The following A1CF variants were observed in gnomAD, a reference collection of about 807,000 sequenced individuals.
A1CF encodes APOBEC1 complementation factor.
A1CF carries 48 observed loss-of-function variants against 68.9 expected under a neutral mutation model. That is an observed-to-expected ratio of 0.70 (90% CI 0.55 to 0.89). A1CF has a LOEUF of 0.89. A1CF is among the 40% of genes least tolerant of loss of function. The pLI is 0.00. For missense variants in A1CF, 653 were observed against 718.9 expected (o/e 0.91, Z 1.05); for synonymous variants, 272 against 260.4 (o/e 1.04, Z -0.43).
Position 50,816,256 on chromosome 10 carries a change from T to C in A1CF, c.891A>G (p.Glu297=). Reference sequence around the variant, plus strand: ...TGTCCACTGGTTTTGCTAGGGTGACTTCAATGGGGGAACCATCCAGCACCT... The same window carrying C: ...TGTCCACTGGTTTTGCTAGGGTGACCTCAATGGGGGAACCATCCAGCACCT... ...NGKVLDGSPI[E]VTLAKPVDKD... is the part of the protein sequence containing the mutation. The change falls in exon 9 of 13, where the codon GAA becomes GAG. Residue 297 remains glutamate, a synonymous_variant. Transcript: ENST00000373997. 6.2e-7 allele frequency: 1 copy of C among 1,613,426 alleles called. No homozygotes were observed. Among genetic ancestry groups the C allele is most frequent in the Non-Finnish European group, 8.5e-7 (1 of 1,179,650 alleles).
intron 12 of A1CF, among the ~76,000 whole-genome samples, chr10:50,807,664 G>C (rs1837897724): frequency 6.6e-6 from 1 of 152,126 alleles, no homozygotes; most frequent in Non-Finnish European, 1.5e-5. Flanking sequence ...GAAGAAGAGA[G>C]CATATTAGCT....
At chr10:50,871,057 A>G (rs915488977) in intron 1 of A1CF, among the ~76,000 whole-genome samples, 6 of 151,764 alleles carry the variant, frequency 4.0e-5, no homozygotes, top group Non-Finnish European at 7.4e-5. Context: ...AAAAATCTTC[A>G]TAAGTGAACA....
At chr10:50,808,980 G>A (rs1188970090) in intron 12 of A1CF, among the ~76,000 whole-genome samples, 1 of 151,256 alleles carries the variant, frequency 6.6e-6, no homozygotes, top group African/African-American at 2.4e-5. Flanking sequence ...AGTAAAAAAT[G>A]ACAGATTTCT....
intron 1 of A1CF, among the ~76,000 whole-genome samples, chr10:50,877,025 A>G (rs142507868): frequency 5.8e-4 from 89 of 152,332 alleles, no homozygotes; most frequent in African/African-American, 2.1e-3. Context: ...TCTTTATTCA[A>G]TTATGATACT....
intron 2 of A1CF, among the ~76,000 whole-genome samples, chr10:50,863,340 G>A (rs1213321915): frequency 4.6e-5 from 7 of 152,134 alleles, no homozygotes; most frequent in Non-Finnish European, 1.0e-4. Context: ...TTGAAATAAA[G>A]CCTTTGCAAT....
At chr10:50,865,737 T>TA in intron 1 of A1CF, among the ~76,000 whole-genome samples, 1 of 152,330 alleles carries the variant, frequency 6.6e-6, no homozygotes, top group South Asian at 2.1e-4. Flanking sequence ...CTTCTAGACT[T>TA]GATTAACATC....
Position 50,860,886 on chromosome 10 carries a change from T to C in A1CF, c.-45-901A>G, listed in dbSNP as rs376199950. ...TTCCCACATACACAGAGGTGAAGGCTGCCACACTGGGTTCTAGTTATTAGT... is the reference window on the plus strand; with the variant it reads ...TTCCCACATACACAGAGGTGAAGGCCGCCACACTGGGTTCTAGTTATTAGT... On this transcript the variant is annotated intron_variant, in intron 2 of 12. Coordinates refer to ENST00000373997, the MANE Select transcript of A1CF (RefSeq NM_014576.4). Among the ~76,000 whole-genome samples, 53 of 152,310 alleles carry C rather than the reference T, an allele frequency of 3.5e-4. 2 individuals are homozygous for C. In the South Asian group the frequency reaches 9.9e-3, roughly 29 times the overall value.
In A1CF at chr10:50,813,717, G is replaced by C. The variant is rs531593262; in HGVS notation, c.1323+140C>G. ...GATGCCCAGCATTCCTTCAAAGACT[G>C]TGACATTCATTGGATGCTTTATATA... On this transcript the variant is annotated intron_variant, in intron 10 of 12. Transcript: ENST00000373997. 351 of 799,956 alleles carry C rather than the reference G, an allele frequency of 4.4e-4. No individual in the cohort carries two copies. Among genetic ancestry groups the C allele is most frequent in the Non-Finnish European group, 6.1e-4 (312 of 507,530 alleles). The allele number at this position is 799,956 out of a possible 1,614,324, so 49.6% of individuals were successfully genotyped here.
At chr10:50,850,280 G>A (rs1209598546) in intron 3 of A1CF, among the ~76,000 whole-genome samples, 1 of 152,198 alleles carries the variant, frequency 6.6e-6, no homozygotes, top group African/African-American at 2.4e-5. Flanking sequence ...ACTTGAAGTT[G>A]TTAACTATCT....
intron 1 of A1CF, among the ~76,000 whole-genome samples, chr10:50,873,895 T>G (rs1369268613): frequency 6.6e-6 from 1 of 152,050 alleles, no homozygotes; most frequent in South Asian, 2.1e-4. Flanking sequence ...TAGGAACCAC[T>G]GTCTTAGAGT....
At chr10:50,844,650 C>A (rs1326377460) in intron 3 of A1CF, among the ~76,000 whole-genome samples, 1 of 152,120 alleles carries the variant, frequency 6.6e-6, no homozygotes, top group Non-Finnish European at 1.5e-5. Flanking sequence ...TCACTACTAA[C>A]TTCTACAACT....
At chr10:50,827,253 G>A (rs1371290012) in intron 7 of A1CF, among the ~76,000 whole-genome samples, 1 of 152,098 alleles carries the variant, frequency 6.6e-6, no homozygotes, top group Non-Finnish European at 1.5e-5. Context: ...GGATATTCAG[G>A]AATTGAACTC....
intron 3 of A1CF, chr10:50,850,778 C>T (rs773186127): frequency 1.9e-6 from 3 of 1,613,946 alleles, no homozygotes; most frequent in Admixed American, 3.3e-5. Flanking sequence ...CCCAGACACA[C>T]TGCTTCCATC....
Position 50,844,117 on chromosome 10 carries a change from A to G in A1CF, c.105T>C (p.Asn35=), listed in dbSNP as rs2132461681. ...QRTGYSLVQE[N]GQRKYGGPPP... is the part of the protein sequence containing the mutation. ...GAGGGCCACCATATTTTCTTTGTCC[A>G]TTTTCCTGCAAATCCAGGGCAGGTG... The change falls in exon 4 of 13, where the codon AAT becomes AAC. Residue 35 remains asparagine (N), a synonymous_variant. Transcript: ENST00000373997. 6.2e-7 allele frequency: 1 copy of G among 1,611,600 alleles called. No homozygotes were observed. Among genetic ancestry groups the G allele is most frequent in the African/African-American group, 1.3e-5 (1 of 74,818 alleles).
intron 6 of A1CF, among the ~76,000 whole-genome samples, chr10:50,832,790 T>A (rs1015357061): frequency 2.6e-5 from 4 of 152,178 alleles, no homozygotes; most frequent in Non-Finnish European, 4.4e-5. Flanking sequence ...ACTCTCCTCT[T>A]AATAATTTTT....
intron 6 of A1CF, among the ~76,000 whole-genome samples, chr10:50,833,102 G>A (rs1393680604): frequency 3.9e-5 from 6 of 152,186 alleles, no homozygotes; most frequent in African/African-American, 1.4e-4. Context: ...TTATATTCCA[G>A]TGATGCAGAT....
chr10:50,862,555 G>A lies in A1CF; in HGVS notation c.-46+1478C>T, dbSNP rs1421145688. On this transcript the variant is annotated intron_variant, in intron 2 of 12. Transcript: ENST00000373997. ...CAGGGCAATTCAGTTTGCATTCACT[G>A]ATTGTTTGAAGAAGCATATAGTTAA... Among the ~76,000 whole-genome samples the A allele has an allele frequency of 2.0e-5, 3 of 152,070 alleles. No individual in the cohort carries two copies. The East Asian group carries it at 5.8e-4, about 29-fold the overall frequency.
At chr10:50,864,899 T>C (rs1840914370) in intron 1 of A1CF, among the ~76,000 whole-genome samples, 1 of 152,016 alleles carries the variant, frequency 6.6e-6, no homozygotes, top group Non-Finnish European at 1.5e-5. Context: ...ATTACAGGAG[T>C]GAGCCACCGT....
At chr10:50,823,749 C>T (rs1206202582) in intron 7 of A1CF, among the ~76,000 whole-genome samples, 1 of 152,094 alleles carries the variant, frequency 6.6e-6, no homozygotes, top group African/African-American at 2.4e-5. Flanking sequence ...TGGGGAAGAA[C>T]AAACCATCTT....
Sources: gnomAD v4.1 joint callset for allele counts (sites outside exome capture counted in the v4.1 genomes callset) on GRCh38, gnomAD v4.1.1 for gene constraint, MANE v1.5 for transcripts, NCBI Gene and HGNC (gene_info 2026-07-23, HGNC 2026-07-21) for gene names.